Variants in WWOX observed in about 807,000 individuals in gnomAD.
WWOX encodes the protein WW domain containing oxidoreductase, also known as WW domain-containing oxidoreductase.
Under a neutral mutation model 46.2 loss-of-function variants are expected in WWOX, and 69 were observed. That is an observed-to-expected ratio of 1.49 (90% confidence interval 1.23 to 1.82). The LOEUF is 1.82. WWOX is among the 40% of genes most tolerant of loss of function. The pLI is 0.00. For missense variants in WWOX, 919 were observed against 542.6 expected, an observed-to-expected ratio of 1.69 and a Z score of -6.89; for synonymous variants, 359 against 202.6, an observed-to-expected ratio of 1.77 and a Z score of -6.56.
intron 8 of WWOX, among the ~76,000 whole-genome samples, chr16:78,789,574 G>A (rs2050543293): frequency 6.6e-6 from 1 of 152,010 alleles, no homozygotes. Flanking sequence ...TTGAAATTTG[G>A]AATTGTGAAT....
chr16:78,927,897 C>T (rs552054216), intron 8 of WWOX, among the ~76,000 whole-genome samples: 4 of 152,156 alleles, frequency 2.6e-5, no homozygotes, highest in Admixed American at 6.6e-5. Flanking sequence ...TACCCAGACA[C>T]TTACATATTC....
intron 8 of WWOX, among the ~76,000 whole-genome samples, chr16:78,666,726 T>A (rs1233479186): frequency 1.3e-5 from 2 of 152,238 alleles, no homozygotes; most frequent in African/African-American, 4.8e-5. Context: ...ATCAGTTCCA[T>A]CTGCCTCTTT....
rs372029894 is a variant in WWOX, at chr16:79,058,731, C to T, written c.1057-152877C>T. 1.5e-4 allele frequency among the ~76,000 whole-genome samples: 23 copies of T among 152,300 alleles called. No homozygotes were observed. The East Asian group carries it at 3.5e-3, about 23-fold the overall frequency. The stretch of plus-strand genomic sequence containing the variant: ...TGGGTTTACTCACCGTATCTGTGTG[C>T]ATCCTGGCAATGTTTACGATATACT... On this transcript the variant is annotated intron_variant, in intron 8 of 8. Transcript: ENST00000566780.
chr16:78,432,019 G>A (rs2083230556), intron 7 of WWOX, among the ~76,000 whole-genome samples: 1 of 151,986 alleles, frequency 6.6e-6, no homozygotes, highest in Admixed American at 6.6e-5. Flanking sequence ...CATGACCTGT[G>A]TTTATATTGT....
intron 5 of WWOX, among the ~76,000 whole-genome samples, chr16:78,377,557 C>G (rs904730655): frequency 5.9e-5 from 9 of 152,190 alleles, no homozygotes; most frequent in Admixed American, 5.9e-4. Context: ...GCTCTTACTT[C>G]AATAGCAAGG....
chr16:79,040,812 C>A (rs1050582554), intron 8 of WWOX, among the ~76,000 whole-genome samples: 11 of 151,850 alleles, frequency 7.2e-5, no homozygotes, highest in Non-Finnish European at 1.5e-5. Context: ...CCGGAGAGCT[C>A]GGGGAGGAGC....
intron 8 of WWOX, chr16:78,535,686 G>A (rs1041273023): frequency 2.0e-5 from 3 of 152,150 alleles, no homozygotes; most frequent in Admixed American, 6.5e-5. Flanking sequence ...CATTAATCTC[G>A]TCTTCTTTGT....
intron 5 of WWOX, among the ~76,000 whole-genome samples, chr16:78,221,130 A>C (rs572631436): frequency 6.6e-6 from 1 of 152,314 alleles, no homozygotes; most frequent in South Asian, 2.1e-4. Flanking sequence ...TACAGCTTTG[A>C]GAATGACTTT....
intron 8 of WWOX, among the ~76,000 whole-genome samples, chr16:79,038,171 C>T (rs750470910): frequency 1.3e-5 from 2 of 152,122 alleles, no homozygotes; most frequent in East Asian, 3.9e-4. Context: ...AGGCCACCTG[C>T]ACACTTTTTT....
chr16:78,756,841 A>G (rs1185135383), intron 8 of WWOX: 2 of 687,536 alleles, frequency 2.9e-6, no homozygotes, highest in Non-Finnish European at 5.3e-6. Context: ...GACCTGTATA[A>G]TCGATAGGGT....
intron 8 of WWOX, among the ~76,000 whole-genome samples, chr16:78,637,931 G>A (rs2046613766): frequency 6.6e-6 from 1 of 152,094 alleles, no homozygotes; most frequent in African/African-American, 2.4e-5. Flanking sequence ...CCTCTGAGTT[G>A]GGGGAAGGGG....
At chr16:79,117,467 C>T (rs1170412553) in intron 8 of WWOX, among the ~76,000 whole-genome samples, 3 of 152,140 alleles carry the variant, frequency 2.0e-5, no homozygotes, top group Non-Finnish European at 2.9e-5. Flanking sequence ...TAGCATAATT[C>T]TTAAGGACCC....
intron 5 of WWOX, among the ~76,000 whole-genome samples, chr16:78,223,672 G>T (rs1423999191): frequency 6.6e-6 from 1 of 152,140 alleles, no homozygotes; most frequent in African/African-American, 2.4e-5. Flanking sequence ...TCCAGCCTGG[G>T]TTTCCCAAAG....
intron 8 of WWOX, among the ~76,000 whole-genome samples, chr16:78,674,529 C>T: frequency 6.6e-6 from 1 of 152,134 alleles, no homozygotes; most frequent in East Asian, 1.9e-4. Flanking sequence ...AGGTGATCCA[C>T]CCTCCTCAGC....
chr16:78,563,700 T>C (rs970600464), intron 8 of WWOX, among the ~76,000 whole-genome samples: 4 of 152,134 alleles, frequency 2.6e-5, no homozygotes, highest in Non-Finnish European at 5.9e-5. Context: ...TCCCTTGTTA[T>C]TAAGAACTGT....
At chr16:78,491,613 C>G (rs1378651411) in intron 8 of WWOX, among the ~76,000 whole-genome samples, 2 of 152,112 alleles carry the variant, frequency 1.3e-5, no homozygotes, top group African/African-American at 4.8e-5. Context: ...CAGTTGTGCG[C>G]TACCACACCT....
At chr16:78,764,398 A>C (rs956044235) in intron 8 of WWOX, among the ~76,000 whole-genome samples, 3 of 150,998 alleles carry the variant, frequency 2.0e-5, no homozygotes, top group African/African-American at 7.3e-5. Flanking sequence ...ACTTGGAGGC[A>C]TTCTGTCCTC....
chr16:79,050,500 G>T (rs1179171866), intron 8 of WWOX, among the ~76,000 whole-genome samples: 4 of 152,198 alleles, frequency 2.6e-5, no homozygotes, highest in African/African-American at 9.7e-5. Flanking sequence ...ACACACTGAT[G>T]CCCCAAATAA....
intron 8 of WWOX, among the ~76,000 whole-genome samples, chr16:78,761,373 A>C (rs1470198895): frequency 1.3e-5 from 2 of 151,662 alleles, no homozygotes; most frequent in African/African-American, 4.8e-5. Context: ...TTCAGGGAGA[A>C]CTCTTTAGCA....
Sources: allele counts gnomAD v4.1 joint callset (sites outside exome capture counted in the v4.1 genomes callset), GRCh38; gene constraint gnomAD v4.1.1; transcripts MANE v1.5; gene names NCBI Gene and HGNC (gene_info 2026-07-23, HGNC 2026-07-21).